Variants in NEU3 observed in about 807,000 individuals in gnomAD.
NEU3 encodes neuraminidase 3.
A neutral mutation model predicts 11.4 loss-of-function variants in NEU3; 10 were observed. That is an observed-to-expected ratio of 0.88 (90% CI 0.54 to 1.49). The LOEUF (loss-of-function observed/expected upper bound fraction) is 1.49, where lower values mean the gene tolerates loss of function less well. Among genes scored for constraint, NEU3 ranks in the 40% most tolerant of loss-of-function variants. The probability of loss-of-function intolerance (pLI) is 0.00; values close to 1 mark genes in which losing one functional copy is unlikely to be tolerated. For synonymous variants in NEU3, 212 were observed against 228.2 expected (o/e 0.93, Z 0.64); for missense variants, 529 against 581.8 (o/e 0.91, Z 0.93).
intron 2 of NEU3, among the ~76,000 whole-genome samples, chr11:75,002,002 C>T (rs1948849170): frequency 6.6e-6 from 1 of 152,150 alleles, no homozygotes; most frequent in African/African-American, 2.4e-5. Context: ...CGAGGGGACT[C>T]TTCCGTGGGA....
chr11:74,991,683 T>G (rs376414743), intron 1 of NEU3, among the ~76,000 whole-genome samples: 1 of 152,212 alleles, frequency 6.6e-6, no homozygotes, highest in Non-Finnish European at 1.5e-5. Flanking sequence ...GCACTCCACC[T>G]TACTGTAGTC....
At chr11:75,020,028 A>C (rs1257345477), downstream of NEU3, among the ~76,000 whole-genome samples, 1 of 152,228 alleles carries the variant, frequency 6.6e-6, no homozygotes, top group Non-Finnish European at 1.5e-5. Context: ...CTCTTGCATC[A>C]GTATGACCTG....
Position 75,006,518 on chromosome 11 carries a change from A to C in NEU3, c.*26A>C. 1 of 1,578,650 alleles carries C rather than the reference A, an allele frequency of 6.3e-7. No homozygotes were observed. Among genetic ancestry groups the C allele is most frequent in the South Asian group, 1.2e-5 (1 of 85,570 alleles). ...TTGGCTTAGGACCCAATTTCCATAG[A>C]TGCAAATGGCAGTTACAGACAGGTT... On this transcript the variant is annotated 3_prime_UTR_variant, in exon 3 of 3. Transcript: ENST00000294064.
intron 1 of NEU3, among the ~76,000 whole-genome samples, chr11:74,991,965 T>G (rs1163560886): frequency 6.6e-6 from 1 of 152,214 alleles, no homozygotes; most frequent in Admixed American, 6.5e-5. Flanking sequence ...TGGTATGTAT[T>G]AAACAAATGT....
At chr11:74,997,431 G>GA (rs764243654) in intron 2 of NEU3, among the ~76,000 whole-genome samples, 1 of 152,192 alleles carries the variant, frequency 6.6e-6, no homozygotes, top group Non-Finnish European at 1.5e-5. Context: ...TGTCTTAAGG[G>GA]AATGCTATGG....
intron 1 of NEU3, 128 bp from the exon 2 acceptor site, chr11:74,994,380 TA>T: frequency 1.6e-6 from 1 of 609,134 alleles, no homozygotes; most frequent in Non-Finnish European, 2.8e-6. Context: ...TATTCTTGTA[TA>T]AAGAAACATT....
intron 3 of NEU3, among the ~76,000 whole-genome samples, chr11:75,017,510 A>G (rs1948986144): frequency 6.6e-6 from 1 of 152,218 alleles, no homozygotes; most frequent in South Asian, 2.1e-4. Flanking sequence ...TAAGGCTGCA[A>G]CTGTCAGAAG....
At chr11:74,989,366 C>G (rs1276489402) in intron 1 of NEU3, among the ~76,000 whole-genome samples, 1 of 152,184 alleles carries the variant, frequency 6.6e-6, no homozygotes. Context: ...AGAATTATCA[C>G]TCCAGAGATG....
rs766775465 is a variant in NEU3, at chr11:75,005,960, C to A, written c.854C>A (p.Ala285Glu). 2 of 1,613,698 alleles carry A rather than the reference C, an allele frequency of 1.2e-6. No homozygotes were observed. Among genetic ancestry groups the A allele is most frequent in the East Asian group, 4.5e-5 (2 of 44,882 alleles). The change falls in exon 3 of 3, where the codon GCA becomes GAA. Residue 285 changes from alanine to glutamate, a missense_variant. Coordinates refer to ENST00000294064, the MANE Select transcript of NEU3 (RefSeq NM_006656.6). ...GCCCGGACACCAAACAGGTGCCGGGCAGAGGCGCTCAGCACTGACCATGGT... is the reference window on the plus strand; with the variant it reads ...GCCCGGACACCAAACAGGTGCCGGGAAGAGGCGCTCAGCACTGACCATGGT... ...CSARTPNRCR[A>E]EALSTDHGEG...
chr11:74,999,310 C>CAAGCATTT (rs1417497792), intron 2 of NEU3, among the ~76,000 whole-genome samples: 10 of 152,208 alleles, frequency 6.6e-5, no homozygotes, highest in African/African-American at 2.2e-4. Context: ...CTGAGCCCAG[C>CAAGCATTT]AAGCATTTTT....
chr11:74,992,600 G>T (rs1359544058), intron 1 of NEU3, among the ~76,000 whole-genome samples: 1 of 152,176 alleles, frequency 6.6e-6, no homozygotes, highest in East Asian at 1.9e-4. Context: ...TCTTTAAGAA[G>T]AATACTTGGA....
chr11:74,983,073 T>C, the NEU3 span, among the ~76,000 whole-genome samples: 1 of 152,078 alleles, frequency 6.6e-6, no homozygotes. Flanking sequence ...GATGTGAAAG[T>C]TGTGGTAATG....
At chr11:75,017,672 T>C (rs1490649518) in intron 3 of NEU3, among the ~76,000 whole-genome samples, 1 of 152,154 alleles carries the variant, frequency 6.6e-6, no homozygotes, top group Non-Finnish European at 1.5e-5. Flanking sequence ...TGGCTCTCCT[T>C]GCACTGTCTG....
At chr11:75,011,750 C>T (rs149186299), downstream of NEU3, among the ~76,000 whole-genome samples, 857 of 152,248 alleles carry the variant, frequency 5.6e-3, 3 homozygotes, top group Non-Finnish European at 9.6e-3. Flanking sequence ...AATTTAAGTA[C>T]CCATCCTCAC....
chr11:75,013,971 A>G (rs1948970782), downstream of NEU3, among the ~76,000 whole-genome samples: 1 of 152,216 alleles, frequency 6.6e-6, no homozygotes, highest in Admixed American at 6.5e-5. Context: ...AACATGGTGG[A>G]CATTCAGCAG....
At chr11:75,004,488 C>G (rs1948878688) in intron 2 of NEU3, 1 of 460,646 alleles carries the variant, frequency 2.2e-6, no homozygotes, top group Non-Finnish European at 3.8e-6. Flanking sequence ...TCTGATCTTG[C>G]CCTTTGCCCA....
intron 1 of NEU3, among the ~76,000 whole-genome samples, chr11:74,993,517 G>C (rs896385726): frequency 2.0e-5 from 3 of 152,126 alleles, no homozygotes; most frequent in Non-Finnish European, 4.4e-5. Flanking sequence ...TTAGACTCTA[G>C]TTTTTGACAG....
At chr11:74,988,758 G>T, upstream of NEU3, 4 of 444,562 alleles carry the variant, frequency 9.0e-6, no homozygotes, top group South Asian at 9.7e-5. Context: ...GTTGGCGAGG[G>T]TGGAGGTGGT....
At chr11:75,002,450 TC>T (rs1948855578) in intron 2 of NEU3, among the ~76,000 whole-genome samples, 1 of 152,220 alleles carries the variant, frequency 6.6e-6, no homozygotes, top group South Asian at 2.1e-4. Context: ...TCATTTCCAT[TC>T]CCCTACCTCT....
Sources: gnomAD v4.1 joint callset for allele counts (sites outside exome capture counted in the v4.1 genomes callset) on GRCh38, gnomAD v4.1.1 for gene constraint, MANE v1.5 for transcripts, NCBI Gene and HGNC (gene_info 2026-07-23, HGNC 2026-07-21) for gene names.